Variants in TENM1 observed in about 807,000 individuals in gnomAD.
TENM1 encodes teneurin transmembrane protein 1.
In TENM1, 35 loss-of-function variants were observed where a neutral mutation model predicts 174.8. The ratio of observed to expected loss-of-function variants is 0.20; its 90% confidence interval spans 0.15 to 0.27. TENM1 has a LOEUF of 0.27. Among genes scored for constraint, TENM1 ranks in the 10% least tolerant of loss-of-function variants. The pLI is 1.00. For missense variants in TENM1, 1,633 were observed against 2,130.1 expected (o/e 0.77, Z 4.59); for synonymous variants, 781 against 798.7 (o/e 0.98, Z 0.37).
At chrX:124,587,927 A>T (rs1223539262) in intron 11 of TENM1, among the ~76,000 whole-genome samples, 2 of 112,246 alleles carry the variant, frequency 1.8e-5, no homozygotes, top group African/African-American at 6.5e-5. Flanking sequence ...CAGCCAAAAG[A>T]CACATGAAAA....
intron 3 of TENM1, among the ~76,000 whole-genome samples, chrX:124,789,979 TG>T (rs2055142997): frequency 1.8e-5 from 2 of 112,035 alleles, no homozygotes; most frequent in African/African-American, 6.5e-5. Flanking sequence ...CAAAACAAAG[TG>T]GTTTATTGGA....
At chrX:124,908,684 T>C (rs1359374872) in intron 1 of TENM1, among the ~76,000 whole-genome samples, 3 of 111,031 alleles carry the variant, frequency 2.7e-5, no homozygotes, top group Non-Finnish European at 5.7e-5. Context: ...AAAAAGAAGA[T>C]GCTAAATTAA....
At chrX:124,657,214 T>C (rs775423966) in intron 6 of TENM1, among the ~76,000 whole-genome samples, 1 of 111,807 alleles carries the variant, frequency 8.9e-6, no homozygotes, top group East Asian at 2.8e-4. Context: ...TTGCACAAAT[T>C]TGAGATTAAA....
chrX:124,423,168 T>C (rs765688478), intron 23 of TENM1, among the ~76,000 whole-genome samples: 2 of 112,126 alleles, frequency 1.8e-5, no homozygotes, highest in Non-Finnish European at 3.8e-5. Context: ...AGAAGCCAGA[T>C]TTTACTCAAT....
At chrX:124,801,154 TA>T (rs1357212034) in intron 3 of TENM1, among the ~76,000 whole-genome samples, 3 of 111,822 alleles carry the variant, frequency 2.7e-5, no homozygotes, top group Non-Finnish European at 3.8e-5. Context: ...ATATCCTTGT[TA>T]ATTTTATGTC....
intron 14 of TENM1, among the ~76,000 whole-genome samples, chrX:124,551,527 C>CA (rs2048571348): frequency 2.2e-5 from 2 of 92,907 alleles, no homozygotes; most frequent in Admixed American, 1.2e-4. Flanking sequence ...CACACACACA[C>CA]CCACACACAC....
At chrX:124,893,666 G>A (rs1675649864) in intron 3 of TENM1, among the ~76,000 whole-genome samples, 1 of 111,639 alleles carries the variant, frequency 9.0e-6, no homozygotes, top group Admixed American at 9.5e-5. Context: ...ACTTTCAGTA[G>A]TATCCCTCTC....
chrX:125,043,218 T>C, the TENM1 span, among the ~76,000 whole-genome samples: 2 of 86,537 alleles, frequency 2.3e-5, no homozygotes, highest in Non-Finnish European at 4.5e-5. Flanking sequence ...ACCATCAGAG[T>C]GAACAGGCAA....
the TENM1 span, among the ~76,000 whole-genome samples, chrX:125,140,733 T>C: frequency 2.7e-5 from 3 of 112,110 alleles, no homozygotes; most frequent in African/African-American, 9.7e-5. Context: ...TAAAATATTA[T>C]TTATCAAGTA....
chrX:124,547,082 T>A, exon 15 of TENM1: 7 of 1,206,385 alleles, frequency 5.8e-6, no homozygotes, highest in Non-Finnish European at 7.9e-6. Flanking sequence ...ACACAGTCGG[T>A]TAAACCATCT....
At chrX:125,060,473 T>G in the TENM1 span, among the ~76,000 whole-genome samples, 20 of 111,259 alleles carry the variant, frequency 1.8e-4, no homozygotes, top group Non-Finnish European at 1.5e-4. Flanking sequence ...ACAAATAGTG[T>G]TTTCAAATCT....
intron 3 of TENM1, among the ~76,000 whole-genome samples, chrX:124,759,316 GT>G (rs1272994288): frequency 9.0e-6 from 1 of 110,639 alleles, no homozygotes; most frequent in Non-Finnish European, 1.9e-5. Flanking sequence ...GATAGAAATA[GT>G]TTTTTAAAAA....
At chrX:124,871,771 G>A (rs112378132) in intron 3 of TENM1, among the ~76,000 whole-genome samples, 3 of 110,699 alleles carry the variant, frequency 2.7e-5, no homozygotes, top group African/African-American at 9.9e-5. Context: ...TAGAGAGTCA[G>A]GCCTGTAATC....
At chrX:124,645,042 T>G in intron 10 of TENM1, 101 bp downstream of exon 13, 3 of 844,746 alleles carry the variant, frequency 3.6e-6, no homozygotes, top group Non-Finnish European at 5.1e-6. Context: ...CATTTATTGT[T>G]TGCAAAGGCC....
chrX:124,457,854 T>G (rs1190088242), intron 22 of TENM1, among the ~76,000 whole-genome samples: 1 of 112,275 alleles, frequency 8.9e-6, no homozygotes, highest in African/African-American at 3.2e-5. Flanking sequence ...ACCTACATTT[T>G]TATTATTTCT....
At chrX:124,420,691 G>T (rs747675251) in exon 25 of TENM1, 2 of 1,211,692 alleles carry the variant, frequency 1.7e-6, no homozygotes, top group Admixed American at 2.2e-5. Context: ...TGTCATTCAG[G>T]TGGGCTTGGT....
At chrX:124,682,172 A>T (rs1435306931) in intron 5 of TENM1, among the ~76,000 whole-genome samples, 3 of 111,425 alleles carry the variant, frequency 2.7e-5, no homozygotes, top group Non-Finnish European at 5.7e-5. Context: ...AAAGCTGCAA[A>T]TTTCTTTAAT....
At chrX:125,176,486 A>G in the TENM1 span, among the ~76,000 whole-genome samples, 2 of 111,615 alleles carry the variant, frequency 1.8e-5, no homozygotes, top group East Asian at 5.7e-4. Flanking sequence ...TTAGGCTCTC[A>G]GGGACAAAAA....
At chrX:124,607,254 T>C (rs1457490455) in intron 11 of TENM1, among the ~76,000 whole-genome samples, 1 of 110,838 alleles carries the variant, frequency 9.0e-6, no homozygotes, top group Non-Finnish European at 1.9e-5. Context: ...CAGAGAATAA[T>C]AAATGAATAT....
Sources: allele counts gnomAD v4.1 joint callset (sites outside exome capture counted in the v4.1 genomes callset), GRCh38; gene constraint gnomAD v4.1.1; transcripts MANE v1.5; gene names NCBI Gene and HGNC (gene_info 2026-07-23, HGNC 2026-07-21).